IMPA2: variants seen among roughly 807,000 people sequenced by gnomAD.
IMPA2 encodes inositol monophosphatase 2, also known as IMP 2.
Under a neutral mutation model 35.1 loss-of-function variants are expected in IMPA2, and 32 were observed. The observed-to-expected ratio is 0.91, with a 90% CI of 0.69 to 1.23. The LOEUF (loss-of-function observed/expected upper bound fraction) is 1.23. Among genes scored for constraint, IMPA2 ranks in the 50% most tolerant of loss-of-function variants. The pLI, the probability that IMPA2 is intolerant of heterozygous loss-of-function variation, is 0.00. For synonymous variants in IMPA2, 135 were observed against 160.6 expected (o/e 0.84, Z 1.20); for missense variants, 334 against 387.6 (o/e 0.86, Z 1.16).
At chr18:12,016,966 G>C (rs148954895) in intron 5 of IMPA2, among the ~76,000 whole-genome samples, 1 of 152,160 alleles carries the variant, frequency 6.6e-6, no homozygotes, top group Non-Finnish European at 1.5e-5. Context: ...GTTAAAATTA[G>C]GACTTGTTTC....
chr18:12,030,718 A>C lies in IMPA2; in HGVS notation c.*260A>C. ...TACGTGTTCTTCTGTCAGGGCCAAA[A>C]CTCAAATCTCCTGTGAAATACGTAT... On this transcript the variant is annotated 3_prime_UTR_variant, in exon 8 of 8. Transcript: ENST00000269159. 4.5e-6 allele frequency: 2 copies of C among 442,714 alleles called. No homozygotes were observed. Among genetic ancestry groups the C allele is most frequent in the Non-Finnish European group, 8.1e-6 (2 of 247,374 alleles). The allele number at this position is 442,714 out of a possible 1,614,324, so 27.4% of individuals were successfully genotyped here. A position where few individuals can be genotyped will look rare whatever the true frequency, so the allele number is the denominator to read the frequency against.
intron 5 of IMPA2, among the ~76,000 whole-genome samples, chr18:12,020,816 T>A (rs1447682265): frequency 6.6e-6 from 1 of 152,226 alleles, no homozygotes; most frequent in South Asian, 2.1e-4. Flanking sequence ...TTATGCTCTT[T>A]TTTCCTGATA....
Position 11,999,165 on chromosome 18 carries a change from C to T in IMPA2, c.208C>T (p.Arg70Ter), listed in dbSNP as rs1282886289. The T allele has an allele frequency of 3.1e-6, 5 of 1,613,566 alleles. No individual in the cohort carries two copies. The highest frequency in any genetic ancestry group is 4.2e-6 in the Non-Finnish European group (5 of 1,179,742). The change falls in exon 2 of 8, where the codon CGA becomes TGA. Residue 70 changes from arginine (R) to a stop codon, truncating the protein, a stop_gained. Coordinates refer to ENST00000269159, the MANE Select transcript of IMPA2 (RefSeq NM_014214.3). LOFTEE classifies it high-confidence loss of function. ...GGAAGATTTAATTATTTCTGAGTTG[C>T]GAGAGAGGTTTCCTTCACACAGGTA... ...LVEDLIISEL[R>*]ERFPSHRFIA...
chr18:12,003,383 C>T (rs973809947), intron 2 of IMPA2, among the ~76,000 whole-genome samples: 2 of 151,942 alleles, frequency 1.3e-5, no homozygotes, highest in African/African-American at 2.4e-5. Context: ...CAGAGGCTCA[C>T]ACCTGTAATC....
intron 1 of IMPA2, among the ~76,000 whole-genome samples, chr18:11,996,338 G>A (rs636173): frequency 0.47 from 70,994 of 152,000 alleles, 18,878 homozygotes; most frequent in African/African-American, 0.72. Flanking sequence ...GCGGGAAGCC[G>A]TTGGATCATT....
At chr18:12,017,586 A>ATTTGT (rs1334929702) in intron 5 of IMPA2, 1 of 428,458 alleles carries the variant, frequency 2.3e-6, no homozygotes, top group Non-Finnish European at 4.6e-6. Flanking sequence ...CGTATTTTTT[A>ATTTGT]TTTGTTTTGT....
chr18:11,998,975 A>G, intron 1 of IMPA2, 79 bp from the exon 2 acceptor site: 1 of 574,266 alleles, frequency 1.7e-6, no homozygotes, highest in Non-Finnish European at 2.6e-6. Context: ...TACAGAGGGG[A>G]CTCGAAGGAG....
chr18:12,003,072 G>A (rs972685249), intron 2 of IMPA2, among the ~76,000 whole-genome samples: 1 of 151,902 alleles, frequency 6.6e-6, no homozygotes, highest in Admixed American at 6.6e-5. Context: ...GTGCGTGCCT[G>A]TAATCCCAGC....
At chr18:11,982,158 GGCT>G (rs1906521435) in intron 1 of IMPA2, among the ~76,000 whole-genome samples, 1 of 152,176 alleles carries the variant, frequency 6.6e-6, no homozygotes, top group Non-Finnish European at 1.5e-5. Flanking sequence ...GATCTGGCTG[GGCT>G]GCCGTTTGAT....
intron 2 of IMPA2, among the ~76,000 whole-genome samples, chr18:12,000,084 A>T (rs2143791506): frequency 6.6e-6 from 1 of 152,346 alleles, no homozygotes; most frequent in East Asian, 1.9e-4. Flanking sequence ...CCAGGTTTAG[A>T]TGGACTTAGG....
chr18:11,985,818 A>G (rs761822983), intron 1 of IMPA2, among the ~76,000 whole-genome samples: 7 of 152,154 alleles, frequency 4.6e-5, no homozygotes, highest in African/African-American at 1.7e-4. Flanking sequence ...ACCCTATTGA[A>G]GCAAAGTTAG....
chr18:12,013,409 C>T (rs539688673), intron 4 of IMPA2, among the ~76,000 whole-genome samples: 8 of 152,204 alleles, frequency 5.3e-5, no homozygotes, highest in Non-Finnish European at 1.2e-4. Context: ...GACTGAATGA[C>T]GCCTCCAACC....
At chr18:11,987,904 A>G (rs1023107828) in intron 1 of IMPA2, among the ~76,000 whole-genome samples, 2 of 149,486 alleles carry the variant, frequency 1.3e-5, no homozygotes, top group African/African-American at 2.5e-5. Context: ...TGTCTTTTAT[A>G]TTGTAGCCAT....
At chr18:12,019,717 G>A (rs1028620734) in intron 5 of IMPA2, among the ~76,000 whole-genome samples, 2 of 152,034 alleles carry the variant, frequency 1.3e-5, no homozygotes, top group Non-Finnish European at 2.9e-5. Flanking sequence ...GGTCGTTTGG[G>A]AAATGGTTTC....
At chr18:12,011,185 T>C (rs1484315836) in intron 3 of IMPA2, among the ~76,000 whole-genome samples, 1 of 152,208 alleles carries the variant, frequency 6.6e-6, no homozygotes, top group Non-Finnish European at 1.5e-5. Flanking sequence ...TCTGCACCCC[T>C]GGGGGGATCC....
chr18:12,026,267 A>C (rs1424893455), intron 5 of IMPA2, among the ~76,000 whole-genome samples: 1 of 151,604 alleles, frequency 6.6e-6, no homozygotes, highest in African/African-American at 2.4e-5. Context: ...TCCCAGCCTC[A>C]GGTGATCTGC....
chr18:11,998,845 G>A (rs1598689161), intron 1 of IMPA2, among the ~76,000 whole-genome samples: 1 of 142,424 alleles, frequency 7.0e-6, no homozygotes, highest in Middle Eastern at 3.8e-3. Context: ...TAGAAACCCA[G>A]AGAGCCTAGG....
At chr18:12,021,031 C>T (rs59866693) in intron 5 of IMPA2, among the ~76,000 whole-genome samples, 3,423 of 151,980 alleles carry the variant, frequency 0.023, 126 homozygotes, top group African/African-American at 0.074. Context: ...GTGGGGGCTC[C>T]AGACAGCATT....
At chr18:11,983,866 G>T (rs1906578574) in intron 1 of IMPA2, among the ~76,000 whole-genome samples, 1 of 152,172 alleles carries the variant, frequency 6.6e-6, no homozygotes, top group Non-Finnish European at 1.5e-5. Context: ...GGGCTGACTG[G>T]AGAAAACATA....
Sources: allele counts gnomAD v4.1 joint callset (sites outside exome capture counted in the v4.1 genomes callset), GRCh38; gene constraint gnomAD v4.1.1; transcripts MANE v1.5; gene names NCBI Gene and HGNC (gene_info 2026-07-23, HGNC 2026-07-21).